The following NFAT5 variants were observed in gnomAD, a reference collection of about 807,000 sequenced individuals.
The protein encoded by NFAT5 is nuclear factor of activated T-cells 5.
NFAT5 carries 31 observed loss-of-function variants against 166.5 expected under a neutral mutation model. The ratio of observed to expected loss-of-function variants is 0.19; its 90% CI spans 0.14 to 0.25. The LOEUF (loss-of-function observed/expected upper bound fraction) is 0.25, where lower values mean the gene tolerates loss of function less well. Ranked by LOEUF, NFAT5 falls within the 10% of genes least tolerant of loss-of-function variation. The pLI, the probability that NFAT5 is intolerant of heterozygous loss-of-function variation, is 1.00. For synonymous variants in NFAT5, 612 were observed against 639.7 expected, an observed-to-expected ratio of 0.96 and a Z score of 0.65; for missense variants, 1,449 against 1,821.8, an observed-to-expected ratio of 0.80 and a Z score of 3.72.
intron 2 of NFAT5, among the ~76,000 whole-genome samples, chr16:69,577,237 T>C (rs1427661315): frequency 6.6e-6 from 1 of 152,056 alleles, no homozygotes; most frequent in Non-Finnish European, 1.5e-5. Flanking sequence ...ATAAAGGAGG[T>C]TTGCTATTGT....
At position 69,587,474 on chromosome 16, in the gene NFAT5, C is replaced by T. The variant is rs537230855; in HGVS notation, c.127+18926C>T. ...TGTGATCTCGGCTTACTGTAACCTC[C>T]GCCCCCCTGTGTTCAATCAGTTCTC... On this transcript the variant is annotated intron_variant, in intron 2 of 14. Coordinates refer to ENST00000349945, the MANE Select transcript of NFAT5 (RefSeq NM_138713.4). Among the ~76,000 whole-genome samples, 37 of 150,404 alleles carry T rather than the reference C, an allele frequency of 2.5e-4. No homozygotes were observed. The East Asian group carries it at 4.5e-3, about 18-fold the overall frequency.
intron 2 of NFAT5, among the ~76,000 whole-genome samples, chr16:69,624,664 G>C (rs2034365618): frequency 6.6e-6 from 1 of 152,062 alleles, no homozygotes; most frequent in Non-Finnish European, 1.5e-5. Context: ...GATTAACTAG[G>C]AAGCTCAAAG....
chr16:69,660,798 G>GTC (rs10575490), intron 7 of NFAT5, among the ~76,000 whole-genome samples: 9 of 148,804 alleles, frequency 6.0e-5, no homozygotes, highest in Non-Finnish European at 8.9e-5. Context: ...TCCTTTTCAC[G>GTC]TCTCTCTCTC....
intron 2 of NFAT5, among the ~76,000 whole-genome samples, chr16:69,571,607 A>G (rs950441739): frequency 1.3e-5 from 2 of 152,108 alleles, no homozygotes; most frequent in Non-Finnish European, 2.9e-5. Context: ...TATAAATAGT[A>G]TTTAAAAACT....
chr16:69,649,144 G>A (rs1307478426), intron 4 of NFAT5: 1 of 906,002 alleles, frequency 1.1e-6, no homozygotes, highest in Non-Finnish European at 1.3e-6. Flanking sequence ...ATAAAATAAG[G>A]CTCTGAAATG....
At chr16:69,646,407 C>A in intron 3 of NFAT5, 1 of 342,708 alleles carries the variant, frequency 2.9e-6, no homozygotes, top group Non-Finnish European at 5.0e-6. Flanking sequence ...TCCATTTTGC[C>A]TCCAATTCAG....
In NFAT5 at chr16:69,691,055, A is replaced by G; in HGVS notation, c.1890A>G (p.Val630=). The G allele has an allele frequency of 1.9e-6, 3 of 1,603,752 alleles. No individual in the cohort carries two copies. The South Asian group carries it at 3.4e-5, about 18-fold the overall frequency. The change falls in exon 12 of 15, where the codon GTA becomes GTG. Residue 630 remains valine (V), a synonymous_variant. Coordinates refer to ENST00000349945, the MANE Select transcript of NFAT5 (RefSeq NM_138713.4). ...GTGAAGATGTTACTCCAATGGAAGT[A>G]ACAGCAGAAAAAAGATCTTCCACTA... is the stretch of plus-strand genomic sequence containing the variant. The part of the protein sequence containing the change: ...IKSEDVTPME[V]TAEKRSSTIF...
intron 2 of NFAT5, among the ~76,000 whole-genome samples, chr16:69,575,414 C>A (rs370944489): frequency 4.0e-5 from 6 of 151,868 alleles, no homozygotes; most frequent in Admixed American, 2.0e-4. Flanking sequence ...GTGATCCGCC[C>A]GCCTCAGCCT....
chr16:69,661,083 T>C (rs1327120677), intron 7 of NFAT5, among the ~76,000 whole-genome samples: 3 of 54,910 alleles, frequency 5.5e-5, no homozygotes, highest in African/African-American at 1.7e-4. Context: ...CCCACCACCC[T>C]TTTTTTTTTT....
chr16:69,568,189 G>C (rs1005391093), intron 1 of NFAT5, among the ~76,000 whole-genome samples: 4 of 152,054 alleles, frequency 2.6e-5, no homozygotes, highest in Non-Finnish European at 5.9e-5. Flanking sequence ...GCGTGGTGGT[G>C]CATGCCTGTA....
At chr16:69,672,749 G>A (rs1044099247) in intron 9 of NFAT5, among the ~76,000 whole-genome samples, 33 of 152,150 alleles carry the variant, frequency 2.2e-4, no homozygotes, top group Admixed American at 1.3e-4. Context: ...ATTTATTCAT[G>A]CAGTACTTTT....
At position 69,699,664 on chromosome 16, in the gene NFAT5, G is replaced by A. The variant is rs984189395; in HGVS notation, c.*3313G>A. On this transcript the variant is annotated 3_prime_UTR_variant, in exon 15 of 15. Coordinates refer to ENST00000349945, the MANE Select transcript of NFAT5 (RefSeq NM_138713.4). ...GCTACATATGGGAGAGACTCAGTGA[G>A]CCAGCAAAGGCCATAGAAACAACAA... 1.3e-5 allele frequency: 2 copies of A among 152,616 alleles called. No individual in the cohort carries two copies. Among genetic ancestry groups the A allele is most frequent in the Non-Finnish European group, 2.9e-5 (2 of 68,028 alleles). 9.5% of individuals were successfully genotyped at this position (152,616 alleles called of 1,614,324 possible). A position where few individuals can be genotyped will look rare whatever the true frequency, so the allele number is the denominator to read the frequency against.
chr16:69,694,327 C>T, intron 13 of NFAT5, 88 bp downstream of exon 13: 3 of 986,786 alleles, frequency 3.0e-6, no homozygotes, highest in Non-Finnish European at 3.0e-6. Context: ...CAGCTCACTG[C>T]ACCTGCACCC....
At chr16:69,648,896 C>G (rs2035559421) in intron 4 of NFAT5, 1 of 945,408 alleles carries the variant, frequency 1.1e-6, no homozygotes, top group East Asian at 1.2e-4. Flanking sequence ...CTTAAGCACT[C>G]CCTCAGTACA....
Position 69,653,428 on chromosome 16 carries a change from G to A in NFAT5, c.1005G>A (p.Lys335=). The part of the protein sequence containing the change: ...DRTQQGFPTV[K]LEGHNEPVVL... ...CACAGCAAGGCTTTCCTACAGTAAA[G>A]GTATTTACTTTATTTATCATTTGAA... The change falls in exon 5 of 15, where the codon AAG becomes AAA. Residue 335 remains lysine (K), a splice_region_variant and synonymous_variant. Coordinates refer to ENST00000349945, the MANE Select transcript of NFAT5 (RefSeq NM_138713.4). 1 of 1,510,400 alleles carries A rather than the reference G, an allele frequency of 6.6e-7. No homozygotes were observed. The highest frequency in any genetic ancestry group is 8.9e-7 in the Non-Finnish European group (1 of 1,129,616). The allele number at this position is 1,510,400 out of a possible 1,614,324, so 93.6% of individuals were successfully genotyped here. A position where few individuals can be genotyped will look rare whatever the true frequency, so the allele number is the denominator to read the frequency against.
chr16:69,594,817 A>G lies in NFAT5; in HGVS notation c.127+26269A>G, dbSNP rs545990950. 1.0e-3 allele frequency among the ~76,000 whole-genome samples: 153 copies of G among 152,286 alleles called. 1 individual carries two copies. Among genetic ancestry groups the G allele is most frequent in the African/African-American group, 3.3e-3 (139 of 41,560 alleles). On this transcript the variant is annotated intron_variant, in intron 2 of 14. Coordinates refer to ENST00000349945, the MANE Select transcript of NFAT5 (RefSeq NM_138713.4). Reference sequence around the variant, plus strand: ...TTATTAAGGAGTATTGACTCACACAATCACAAGGTGAGGTCCCACAATAGG... The same window carrying G: ...TTATTAAGGAGTATTGACTCACACAGTCACAAGGTGAGGTCCCACAATAGG...
intron 2 of NFAT5, among the ~76,000 whole-genome samples, chr16:69,574,891 C>T (rs766825077): frequency 2.6e-5 from 4 of 151,940 alleles, no homozygotes; most frequent in Admixed American, 6.6e-5. Context: ...AGGATGGTCT[C>T]GAACTCCTGA....
At chr16:69,646,148 C>G (rs941469933) in intron 3 of NFAT5, among the ~76,000 whole-genome samples, 1 of 152,176 alleles carries the variant, frequency 6.6e-6, no homozygotes, top group Non-Finnish European at 1.5e-5. Flanking sequence ...ATGGACAGCT[C>G]TAACCAATTG....
intron 6 of NFAT5, among the ~76,000 whole-genome samples, chr16:69,658,393 G>A (rs2035981955): frequency 6.6e-6 from 1 of 150,972 alleles, no homozygotes; most frequent in African/African-American, 2.4e-5. Context: ...TGAGGCAGGA[G>A]AATCTCTGGA....
Sources: gnomAD v4.1 joint callset for allele counts (sites outside exome capture counted in the v4.1 genomes callset) on GRCh38, gnomAD v4.1.1 for gene constraint, MANE v1.5 for transcripts, NCBI Gene and HGNC (gene_info 2026-07-23, HGNC 2026-07-21) for gene names.